The following NRXN1 variants were observed in gnomAD, a reference collection of about 807,000 sequenced individuals.
NRXN1 encodes neurexin 1, also known as neurexin-1.
NRXN1 carries 39 observed loss-of-function variants against 150.9 expected under a neutral mutation model. The observed-to-expected ratio is 0.26, with a 90% CI of 0.20 to 0.34. The LOEUF (loss-of-function observed/expected upper bound fraction) is 0.34, where lower values mean the gene tolerates loss of function less well. Among genes scored for constraint, NRXN1 ranks in the 10% least tolerant of loss-of-function variants. NRXN1 has a pLI of 1.00. For missense variants in NRXN1, 1,815 were observed against 1,949.9 expected, an observed-to-expected ratio of 0.93 and a Z score of 1.30; for synonymous variants, 924 against 757.0, an observed-to-expected ratio of 1.22 and a Z score of -3.62.
chr2:50,476,497 G>T (rs1292543833), intron 15 of NRXN1, among the ~76,000 whole-genome samples: 1 of 151,986 alleles, frequency 6.6e-6, no homozygotes, highest in Non-Finnish European at 1.5e-5. Flanking sequence ...GGATTACAAA[G>T]TATGCACATA....
chr2:50,376,219 A>G (rs2153024566), intron 17 of NRXN1, among the ~76,000 whole-genome samples: 1 of 152,218 alleles, frequency 6.6e-6, no homozygotes, highest in South Asian at 2.1e-4. Context: ...ACTTAGACAC[A>G]GTACAAGTAT....
intron 17 of NRXN1, among the ~76,000 whole-genome samples, chr2:50,384,371 T>C (rs1440253474): frequency 6.6e-6 from 1 of 151,754 alleles, no homozygotes; most frequent in African/African-American, 2.4e-5. Flanking sequence ...CCAAGTGTGG[T>C]TGTATGCGCC....
chr2:49,984,411 G>A (rs1424369707), intron 21 of NRXN1, among the ~76,000 whole-genome samples: 1 of 151,908 alleles, frequency 6.6e-6, no homozygotes, highest in Non-Finnish European at 1.5e-5. Context: ...AACTAAACAG[G>A]TGTTTTAAAA....
chr2:50,907,264 G>T (rs2104029369), intron 5 of NRXN1, among the ~76,000 whole-genome samples: 1 of 151,212 alleles, frequency 6.6e-6, no homozygotes, highest in African/African-American at 2.4e-5. Flanking sequence ...ATACTCTTTT[G>T]TCCAATCACA....
intron 5 of NRXN1, among the ~76,000 whole-genome samples, chr2:50,759,222 C>T (rs1019118881): frequency 1.3e-5 from 2 of 151,844 alleles, no homozygotes; most frequent in African/African-American, 4.8e-5. Flanking sequence ...ACTAATAATA[C>T]ATCAATTCTT....
intron 5 of NRXN1, among the ~76,000 whole-genome samples, chr2:50,679,065 T>C (rs1485197992): frequency 6.6e-6 from 1 of 152,104 alleles, no homozygotes; most frequent in Non-Finnish European, 1.5e-5. Flanking sequence ...TTGGGGCATG[T>C]ACAGGCACAT....
chr2:50,464,862 T>C (rs950632120), intron 17 of NRXN1, among the ~76,000 whole-genome samples: 1 of 151,950 alleles, frequency 6.6e-6, no homozygotes, highest in Non-Finnish European at 1.5e-5. Context: ...TGCCATGATA[T>C]AATGTGAATC....
chr2:50,502,846 C>T (rs2092018889), intron 13 of NRXN1, among the ~76,000 whole-genome samples: 1 of 152,104 alleles, frequency 6.6e-6, no homozygotes, highest in Admixed American at 6.5e-5. Flanking sequence ...TTTCTTATCT[C>T]TGTCTGCTGA....
intron 8 of NRXN1, among the ~76,000 whole-genome samples, chr2:50,600,819 G>A (rs898130887): frequency 2.0e-5 from 3 of 152,004 alleles, no homozygotes; most frequent in Non-Finnish European, 4.4e-5. Context: ...GAGATATGCT[G>A]GTAGAATCCT....
At chr2:50,412,323 T>A (rs987579560) in intron 17 of NRXN1, among the ~76,000 whole-genome samples, 1 of 102,878 alleles carries the variant, frequency 9.7e-6, no homozygotes, top group Non-Finnish European at 1.7e-5. Flanking sequence ...ACTAAAAAAA[T>A]AAATAAAAAA....
chr2:50,348,814 C>G (rs74541470), intron 17 of NRXN1, among the ~76,000 whole-genome samples: 3 of 151,670 alleles, frequency 2.0e-5, no homozygotes, highest in South Asian at 2.1e-4. Flanking sequence ...TGATAAAAAA[C>G]TATGACATGT....
rs564091862 is a variant in NRXN1 at position 50,380,011 on chromosome 2, G to A, written c.3364+85431C>T. 1.8e-4 allele frequency among the ~76,000 whole-genome samples: 28 copies of A among 152,138 alleles called. No individual in the cohort carries two copies. The South Asian group carries it at 2.1e-3, about 11-fold the overall frequency. On this transcript the variant is annotated intron_variant, in intron 17 of 22. Coordinates refer to ENST00000401669, the MANE Select transcript of NRXN1 (RefSeq NM_001330078.2). Reference sequence around the variant, plus strand: ...AAAGAAAAAACATGGAAATAGAAATGGCTAGGATAATATCCAATATGAGAA... The same window carrying A: ...AAAGAAAAAACATGGAAATAGAAATAGCTAGGATAATATCCAATATGAGAA...
chr2:50,606,366 T>A (rs1284156721), intron 8 of NRXN1, among the ~76,000 whole-genome samples: 1 of 151,758 alleles, frequency 6.6e-6, no homozygotes, highest in East Asian at 1.9e-4. Context: ...ACTGCATGAT[T>A]CCACTTACAA....
intron 17 of NRXN1, among the ~76,000 whole-genome samples, chr2:50,303,003 CA>C (rs1425511129): frequency 1.3e-5 from 2 of 151,794 alleles, no homozygotes; most frequent in Non-Finnish European, 2.9e-5. Context: ...TTTTAAGAGT[CA>C]AAAAAAAGTT....
intron 18 of NRXN1, among the ~76,000 whole-genome samples, chr2:50,112,890 A>T (rs370434519): frequency 3.3e-5 from 5 of 152,182 alleles, no homozygotes; most frequent in African/African-American, 1.2e-4. Context: ...TAAAATGATC[A>T]TCAAAAGAAA....
intron 15 of NRXN1, among the ~76,000 whole-genome samples, chr2:50,481,852 G>A (rs1181561575): frequency 8.7e-6 from 1 of 115,514 alleles, no homozygotes; most frequent in Non-Finnish European, 1.6e-5. Flanking sequence ...TGCAAGCTCC[G>A]CCTCCCGGGT....
intron 21 of NRXN1, among the ~76,000 whole-genome samples, chr2:49,946,992 T>C (rs947293442): frequency 3.9e-5 from 6 of 152,144 alleles, no homozygotes; most frequent in African/African-American, 1.4e-4. Flanking sequence ...CAAAGACCCA[T>C]TCTCCTTTTG....
intron 18 of NRXN1, among the ~76,000 whole-genome samples, chr2:50,113,224 T>G (rs548966937): frequency 6.6e-6 from 1 of 152,178 alleles, no homozygotes; most frequent in Non-Finnish European, 1.5e-5. Flanking sequence ...TGACTACCTT[T>G]CCCGCAGCCA....
chr2:50,952,231 G>A (rs1691505675), intron 2 of NRXN1, among the ~76,000 whole-genome samples: 1 of 151,822 alleles, frequency 6.6e-6, no homozygotes, highest in Non-Finnish European at 1.5e-5. Context: ...CTCCCAAAGT[G>A]CTGGGATTAC....
Sources: allele counts gnomAD v4.1 joint callset (sites outside exome capture counted in the v4.1 genomes callset), GRCh38; gene constraint gnomAD v4.1.1; transcripts MANE v1.5; gene names NCBI Gene and HGNC (gene_info 2026-07-23, HGNC 2026-07-21).